The following PABPN1L variants were observed in gnomAD, a reference collection of about 807,000 sequenced individuals.
The protein encoded by PABPN1L is embryonic polyadenylate-binding protein 2.
PABPN1L carries 45 observed loss-of-function variants against 34.0 expected under a neutral mutation model. The observed-to-expected ratio is 1.32, with a 90% CI of 1.04 to 1.70. PABPN1L has a LOEUF of 1.70. Among genes scored for constraint, PABPN1L ranks in the 40% most tolerant of loss-of-function variants. The probability of loss-of-function intolerance (pLI) is 0.00; values close to 1 mark genes in which losing one functional copy is unlikely to be tolerated. For synonymous variants in PABPN1L, 182 were observed against 152.1 expected, an observed-to-expected ratio of 1.20 and a Z score of -1.45; for missense variants, 459 against 367.8, an observed-to-expected ratio of 1.25 and a Z score of -2.03.
Position 88,864,507 on chromosome 16 carries a change from G to A in PABPN1L, c.655-128C>T, listed in dbSNP as rs780166924. ...TCAGGATACCATTCGGGCCTACAGG[G>A]TTCCCTGCCTTTGCCTACCATAGCT... On this transcript the variant is annotated intron_variant, in intron 5 of 6. Transcript: ENST00000419291. 59 of 1,348,494 alleles carry A rather than the reference G, an allele frequency of 4.4e-5. 1 individual carries two copies. Among genetic ancestry groups the A allele is most frequent in the Non-Finnish European group, 5.2e-5 (53 of 1,014,942 alleles). 83.5% of individuals were successfully genotyped at this position (1,348,494 alleles called of 1,614,324 possible).
rs1968543126 is a variant in PABPN1L, at chr16:88,864,635, G to A, written c.654+218C>T. Among the ~76,000 whole-genome samples, 3 of 150,782 alleles carry A rather than the reference G, an allele frequency of 2.0e-5. No individual in the cohort carries two copies. In the East Asian group the frequency reaches 5.9e-4, roughly 30 times the overall value. ...CACGGCCAGCACCCCTGCAGAGGGGGCTCCCGCCCGAGAGGGGACACTTCC... is the reference window on the plus strand; with the variant it reads ...CACGGCCAGCACCCCTGCAGAGGGGACTCCCGCCCGAGAGGGGACACTTCC... On this transcript the variant is annotated intron_variant, in intron 5 of 6. Transcript: ENST00000419291.
exon 5 of PABPN1L, chr16:88,864,902 T>C (rs1968550552): frequency 2.7e-6 from 4 of 1,498,512 alleles, no homozygotes; most frequent in East Asian, 6.2e-5. Context: ...CACGGCGGCC[T>C]GCACGGAGCC....
chr16:88,863,861 C>T (rs942146760), intron 6 of PABPN1L, 66 bp from the exon 7 acceptor site: 64 of 1,455,804 alleles, frequency 4.4e-5, no homozygotes, highest in Middle Eastern at 4.0e-4. Flanking sequence ...CCCAGGGCCC[C>T]GGGGGACAAC....
chr16:88,866,905 C>T (rs575642325), upstream of PABPN1L, among the ~76,000 whole-genome samples: 18 of 152,358 alleles, frequency 1.2e-4, no homozygotes, highest in East Asian at 3.1e-3. Flanking sequence ...CTCACTGGAG[C>T]CTTGGTCTGT....
chr16:88,863,860 C>A, intron 6 of PABPN1L, 65 bp from the exon 7 acceptor site: 1 of 1,464,194 alleles, frequency 6.8e-7, no homozygotes, highest in Non-Finnish European at 9.2e-7. Flanking sequence ...GCCCAGGGCC[C>A]CGGGGGACAA....
At chr16:88,869,063 C>T (rs1968653386), upstream of PABPN1L, among the ~76,000 whole-genome samples, 1 of 152,226 alleles carries the variant, frequency 6.6e-6, no homozygotes, top group Non-Finnish European at 1.5e-5. Flanking sequence ...GCTTCTTCAT[C>T]TTCGTGGCTG....
chr16:88,866,779 C>T, upstream of PABPN1L: 2 of 882,300 alleles, frequency 2.3e-6, no homozygotes, highest in Non-Finnish European at 3.3e-6. Flanking sequence ...GCTCCCGGCC[C>T]CGCCCCTTCC....
intron 6 of PABPN1L, 27 bp downstream of exon 6, chr16:88,864,210 A>G: frequency 1.3e-6 from 2 of 1,506,250 alleles, no homozygotes; most frequent in South Asian, 1.2e-5. Flanking sequence ...CCTCGCCCCC[A>G]GGCTGCCCCC....
rs1225352891 is a variant in PABPN1L at position 88,865,431 on chromosome 16, A to AGGTGAC, written c.459+126_459+131dup. On this transcript the variant is annotated intron_variant, in intron 3 of 6. Transcript: ENST00000419291. The stretch of plus-strand genomic sequence containing the variant: ...ATGTGCCCAGGCCAGTGTTTCCTCA[A>AGGTGAC]GGTGACGGGGCTGCCCCCAGGGTCA... The AGGTGAC allele has an allele frequency of 4.4e-6, 5 of 1,149,090 alleles. No individual in the cohort carries two copies. In the Admixed American group the frequency reaches 7.8e-5, roughly 18 times the overall value. 71.2% of individuals were successfully genotyped at this position (1,149,090 alleles called of 1,614,324 possible).
intron 2 of PABPN1L, 37 bp from the exon 3 acceptor site, chr16:88,865,667 T>G: frequency 1.3e-6 from 2 of 1,579,482 alleles, no homozygotes; most frequent in Non-Finnish European, 1.7e-6. Flanking sequence ...AGGCCCTTGG[T>G]TCCTTCCTCA....
chr16:88,865,629 G>A (rs759269134), exon 3 of PABPN1L: 147 of 1,607,308 alleles, frequency 9.1e-5, no homozygotes, highest in Non-Finnish European at 1.2e-4. Context: ...AGAGGGGGCA[G>A]CCTGCGGAGA....
At chr16:88,863,472 C>T (rs565592643) in exon 7 of PABPN1L, 4 of 559,308 alleles carry the variant, frequency 7.2e-6, no homozygotes, top group South Asian at 4.3e-5. Context: ...GGACTCTGCT[C>T]CTCCCCTCCC....
exon 7 of PABPN1L, chr16:88,863,547 G>T: frequency 1.5e-6 from 1 of 678,406 alleles, no homozygotes; most frequent in Non-Finnish European, 2.6e-6. Flanking sequence ...GGCCGTGGCT[G>T]TGACTCGTGG....
At chr16:88,864,510 C>T in intron 5 of PABPN1L, 131 bp from the exon 6 acceptor site, 4 of 1,337,936 alleles carry the variant, frequency 3.0e-6, no homozygotes, top group Non-Finnish European at 4.0e-6. Context: ...CTACAGGGTT[C>T]CCTGCCTTTG....
chr16:88,865,984 T>C (rs1407337119), intron 1 of PABPN1L, 43 bp from the exon 2 acceptor site: 6 of 1,569,044 alleles, frequency 3.8e-6, no homozygotes, highest in Non-Finnish European at 5.2e-6. Context: ...GCCTGCAGGC[T>C]CTGCTCAAGG....
At chr16:88,864,818 G>C in intron 5 of PABPN1L, 35 bp downstream of exon 5, 1 of 1,559,746 alleles carries the variant, frequency 6.4e-7, no homozygotes. Flanking sequence ...GCCCCTCTGC[G>C]CTCATGTTCC....
intron 5 of PABPN1L, 66 bp from the exon 6 acceptor site, chr16:88,864,445 A>G: frequency 6.7e-7 from 1 of 1,491,422 alleles, no homozygotes; most frequent in Non-Finnish European, 9.0e-7. Context: ...CAGCCCCCGC[A>G]GCCCCCACCA....
At chr16:88,864,298 C>G (rs1198210712) in exon 6 of PABPN1L, 2 of 1,555,848 alleles carry the variant, frequency 1.3e-6, no homozygotes, top group South Asian at 2.4e-5. Flanking sequence ...GGGAAGGGTG[C>G]CCCCCTGGAG....
At chr16:88,865,184 C>A in intron 3 of PABPN1L, 56 bp from the exon 4 acceptor site, 1 of 1,525,888 alleles carries the variant, frequency 6.6e-7, no homozygotes, top group East Asian at 2.5e-5. Flanking sequence ...GACTCGGGGC[C>A]TTCTTGTTAG....
Sources: allele counts gnomAD v4.1 joint callset (sites outside exome capture counted in the v4.1 genomes callset), GRCh38; gene constraint gnomAD v4.1.1; transcripts MANE v1.5; gene names NCBI Gene and HGNC (gene_info 2026-07-23, HGNC 2026-07-21).